VEPH1: variants seen among roughly 807,000 people sequenced by gnomAD.
VEPH1 encodes the protein ventricular zone-expressed PH domain-containing protein homolog 1.
VEPH1 carries 80 observed loss-of-function variants against 85.2 expected under a neutral mutation model. The observed-to-expected ratio is 0.94, with a 90% CI of 0.78 to 1.13. The LOEUF (loss-of-function observed/expected upper bound fraction) is 1.13. VEPH1 is among the 50% of genes most tolerant of loss of function. VEPH1 has a pLI of 0.00. For missense variants in VEPH1, 955 were observed against 980.5 expected (o/e 0.97, Z 0.35); for synonymous variants, 297 against 348.0 (o/e 0.85, Z 1.63).
chr3:157,318,915 G>C (rs758245366), intron 9 of VEPH1, among the ~76,000 whole-genome samples: 2 of 152,072 alleles, frequency 1.3e-5, no homozygotes, highest in Non-Finnish European at 2.9e-5. Flanking sequence ...AAGCTGATAA[G>C]GATCCTAGTA....
chr3:157,325,377 C>T (rs576344406), intron 9 of VEPH1, among the ~76,000 whole-genome samples: 1 of 152,242 alleles, frequency 6.6e-6, no homozygotes, highest in East Asian at 1.9e-4. Context: ...GCTTTTGTTG[C>T]AATTGCTTTT....
intron 7 of VEPH1, among the ~76,000 whole-genome samples, chr3:157,370,557 T>G (rs980801595): frequency 2.0e-5 from 3 of 152,188 alleles, no homozygotes; most frequent in African/African-American, 7.2e-5. Flanking sequence ...GCATCTGTTT[T>G]GGGACTGCAA....
chr3:157,364,188 A>C, intron 8 of VEPH1, 115 bp downstream of exon 8: 1 of 739,418 alleles, frequency 1.4e-6, no homozygotes. Flanking sequence ...TAAGGATGGC[A>C]CTTTGGGTGG....
intron 4 of VEPH1, chr3:157,442,926 G>C: frequency 1.2e-6 from 2 of 1,614,014 alleles, no homozygotes; most frequent in Non-Finnish European, 1.7e-6. Flanking sequence ...GAATATTGTT[G>C]GGTGGGGAGT....
At position 157,437,882 on chromosome 3, in the gene VEPH1, A is replaced by G. The variant is rs191352729; in HGVS notation, c.530-9394T>C. On this transcript the variant is annotated intron_variant, in intron 4 of 13. Coordinates refer to ENST00000362010, the MANE Select transcript of VEPH1 (RefSeq NM_001167912.2). ...ACGCGAGCCGACCTGCACGCGGTGC[A>G]GGGCTGGGCTGCCCGGAGCTGGCTG... 10,974 of 1,514,912 alleles carry G rather than the reference A, an allele frequency of 7.2e-3. 107 individuals carry two copies. Among genetic ancestry groups the G allele is most frequent in the Admixed American group, 0.046 (2,219 of 48,228 alleles). 93.8% of individuals were successfully genotyped at this position (1,514,912 alleles called of 1,614,324 possible).
intron 11 of VEPH1, among the ~76,000 whole-genome samples, chr3:157,291,536 G>A (rs1335491317): frequency 6.6e-6 from 1 of 152,168 alleles, no homozygotes; most frequent in Non-Finnish European, 1.5e-5. Context: ...AGGAACCATG[G>A]ATAAAGAGAT....
intron 7 of VEPH1, among the ~76,000 whole-genome samples, chr3:157,373,287 G>A (rs1054892238): frequency 2.0e-5 from 3 of 152,162 alleles, no homozygotes; most frequent in African/African-American, 7.2e-5. Context: ...ATACATATTA[G>A]GGCACTGGTG....
chr3:157,353,256 AC>A (rs2108725877), intron 9 of VEPH1, among the ~76,000 whole-genome samples: 1 of 151,128 alleles, frequency 6.6e-6, no homozygotes, highest in African/African-American at 2.4e-5. Flanking sequence ...CTCTGCCTGC[AC>A]CCCCAATCTG....
chr3:157,405,379 G>C (rs1251775662), intron 6 of VEPH1, among the ~76,000 whole-genome samples: 2 of 152,076 alleles, frequency 1.3e-5, no homozygotes, highest in Non-Finnish European at 2.9e-5. Flanking sequence ...AGTTTCTTGG[G>C]AACGCTAAGG....
intron 4 of VEPH1, among the ~76,000 whole-genome samples, chr3:157,451,070 T>C (rs1250237583): frequency 6.6e-6 from 1 of 152,248 alleles, no homozygotes; most frequent in Non-Finnish European, 1.5e-5. Context: ...TATCATGGTA[T>C]TGATATCCTG....
intron 7 of VEPH1, among the ~76,000 whole-genome samples, chr3:157,375,257 A>G (rs1259190123): frequency 1.3e-5 from 2 of 152,208 alleles, no homozygotes; most frequent in Non-Finnish European, 2.9e-5. Context: ...AGTTGCAGAG[A>G]AGAACTTGGC....
At chr3:157,395,436 G>T (rs1730275392) in intron 6 of VEPH1, among the ~76,000 whole-genome samples, 1 of 152,178 alleles carries the variant, frequency 6.6e-6, no homozygotes, top group East Asian at 1.9e-4. Context: ...TTTGTGAGTG[G>T]ACGTCCATGT....
intron 9 of VEPH1, among the ~76,000 whole-genome samples, chr3:157,344,814 G>T (rs895991864): frequency 1.3e-5 from 2 of 152,146 alleles, no homozygotes; most frequent in African/African-American, 4.8e-5. Flanking sequence ...CATGGTACTG[G>T]TACCAAAACA....
chr3:157,260,903 T>G lies in VEPH1; in HGVS notation c.*231A>C. The G allele has an allele frequency of 1.9e-6, 1 of 539,238 alleles. No individual in the cohort carries two copies. Among genetic ancestry groups the G allele is most frequent in the South Asian group, 2.4e-5 (1 of 42,500 alleles). The allele number at this position is 539,238 out of a possible 1,614,324, so 33.4% of individuals were successfully genotyped here. A position where few individuals can be genotyped will look rare whatever the true frequency, so the allele number is the denominator to read the frequency against. On this transcript the variant is annotated 3_prime_UTR_variant, in exon 14 of 14. Transcript: ENST00000362010. ...GCATACTCTGTAGCTCCTTTTATTT[T>G]ATTTTATTTTTGTGGGCATCAGATA...
intron 9 of VEPH1, among the ~76,000 whole-genome samples, chr3:157,335,409 A>G (rs1722872913): frequency 6.6e-6 from 1 of 152,146 alleles, no homozygotes; most frequent in South Asian, 2.1e-4. Flanking sequence ...ACAAAGAACA[A>G]AAAACAACTC....
At chr3:157,272,173 G>T (rs1432554119) in intron 12 of VEPH1, among the ~76,000 whole-genome samples, 1 of 151,596 alleles carries the variant, frequency 6.6e-6, no homozygotes. Flanking sequence ...AGAAGAACCA[G>T]CAGGAGCATT....
intron 2 of VEPH1, chr3:157,489,471 C>T (rs572853231): frequency 4.5e-4 from 89 of 195,972 alleles, no homozygotes; most frequent in Non-Finnish European, 7.3e-4. Context: ...TGATTTCCTC[C>T]AGGTACCCAA....
chr3:157,468,804 T>G (rs982140498), intron 3 of VEPH1, among the ~76,000 whole-genome samples: 2 of 152,178 alleles, frequency 1.3e-5, no homozygotes, highest in Non-Finnish European at 2.9e-5. Flanking sequence ...TAATTTACCA[T>G]CTTTGCAATT....
At chr3:157,491,627 G>A (rs949254179) in intron 2 of VEPH1, among the ~76,000 whole-genome samples, 2 of 152,082 alleles carry the variant, frequency 1.3e-5, no homozygotes, top group Non-Finnish European at 2.9e-5. Flanking sequence ...TTTGGGGGAA[G>A]GATTGGAGGC....
Sources: allele counts gnomAD v4.1 joint callset (sites outside exome capture counted in the v4.1 genomes callset), GRCh38; gene constraint gnomAD v4.1.1; transcripts MANE v1.5; gene names NCBI Gene and HGNC (gene_info 2026-07-23, HGNC 2026-07-21).